Variants in CSMD2 observed in about 807,000 individuals in gnomAD.
The protein encoded by CSMD2 is CUB and sushi domain-containing protein 2.
CSMD2 carries 130 observed loss-of-function variants against 398.5 expected under a neutral mutation model. The observed-to-expected ratio is 0.33, with a 90% CI of 0.28 to 0.38. The LOEUF is 0.38. Among genes scored for constraint, CSMD2 ranks in the 10% least tolerant of loss-of-function variants. The pLI, the probability that CSMD2 is intolerant of heterozygous loss-of-function variation, is 1.00. For synonymous variants in CSMD2, 1,828 were observed against 1,908.5 expected (o/e 0.96, Z 1.10); for missense variants, 3,829 against 4,764.9 (o/e 0.80, Z 5.78).
intron 25 of CSMD2, among the ~76,000 whole-genome samples, chr1:33,678,740 G>A (rs1442872163): frequency 2.0e-5 from 3 of 152,100 alleles, no homozygotes; most frequent in Non-Finnish European, 2.9e-5. Flanking sequence ...TAAGTATCAC[G>A]CTATCCAAAG....
chr1:33,685,692 C>T (rs931097365), intron 25 of CSMD2, among the ~76,000 whole-genome samples: 5 of 152,202 alleles, frequency 3.3e-5, no homozygotes, highest in African/African-American at 1.2e-4. Flanking sequence ...CCTTTGCTCT[C>T]TTACCCCTAG....
At position 33,635,249 on chromosome 1, in the gene CSMD2, A is replaced by G. The variant is rs1199761740; in HGVS notation, c.5051T>C (p.Ile1684Thr). The G allele has an allele frequency of 6.2e-7, 1 of 1,613,440 alleles. No individual in the cohort carries two copies. The highest frequency in any genetic ancestry group is 8.5e-7 in the Non-Finnish European group (1 of 1,179,572). ...GGGCACAGTAACAAAATACAAGCAG[A>G]TCTGTCCACTGGTGTAGTTCTGGGG... The part of the protein sequence containing the change: ...NYPQNYTSGQ[I>T]CLYFVTVPKD... Residue 1684 changes from isoleucine (I) to threonine (T), a missense_variant, in exon 31 of 71, where the codon ATC becomes ACC. Physicochemically the swap from Ile to Thr is moderately conservative, Grantham distance 89 (BLOSUM62 -1). This residue lies in a region of CSMD2 where 2,001 missense variants were observed against 2,567.1 expected (regional missense o/e 0.78). Coordinates refer to ENST00000373381, the MANE Select transcript of CSMD2 (RefSeq NM_001281956.2). This position sits in a 1 kb window ranked among gnomAD's most constrained non-coding sequence, Gnocchi z 5.0.
intron 32 of CSMD2, among the ~76,000 whole-genome samples, chr1:33,629,743 G>T (rs915548379): frequency 3.4e-5 from 5 of 146,940 alleles, no homozygotes; most frequent in Non-Finnish European, 6.0e-5. Flanking sequence ...ATATCTACAG[G>T]TTTTTTTTTT....
intron 55 of CSMD2, among the ~76,000 whole-genome samples, chr1:33,555,673 A>C (rs1657891481): frequency 6.6e-6 from 1 of 152,216 alleles, no homozygotes; most frequent in Non-Finnish European, 1.5e-5. Flanking sequence ...CATTGAGGCA[A>C]AGTCTCCACC....
intron 4 of CSMD2, among the ~76,000 whole-genome samples, 191 bp downstream of exon 4, chr1:33,935,569 G>C (rs1644452659): frequency 6.6e-6 from 1 of 152,202 alleles, no homozygotes; most frequent in South Asian, 2.1e-4. Context: ...TTGAGGGTTA[G>C]GAGGTCAGGT....
chr1:33,734,790 AAAAAAAG>A (rs761145900), intron 15 of CSMD2, among the ~76,000 whole-genome samples: 20 of 152,076 alleles, frequency 1.3e-4, no homozygotes, highest in Non-Finnish European at 2.2e-4. Flanking sequence ...ATCTCAAAAA[AAAAAAAG>A]AAAAAAGAAA....
At chr1:33,921,532 G>A (rs559469162) in intron 4 of CSMD2, among the ~76,000 whole-genome samples, 3 of 152,298 alleles carry the variant, frequency 2.0e-5, no homozygotes, top group African/African-American at 7.2e-5. Flanking sequence ...GGGCACAATG[G>A]CTGAGTCTTG....
At chr1:34,160,389 G>T (rs1359466431) in intron 1 of CSMD2, among the ~76,000 whole-genome samples, 1 of 152,228 alleles carries the variant, frequency 6.6e-6, no homozygotes, top group African/African-American at 2.4e-5. Flanking sequence ...AGGGTTGGAG[G>T]AGAGTGGTAT....
rs181149463 is a variant in CSMD2, at chr1:33,751,931, G to T, written c.1847-8325C>A. Among the ~76,000 whole-genome samples, 313 of 152,188 alleles carry T rather than the reference G, an allele frequency of 2.1e-3. 2 individuals are homozygous for T. Among genetic ancestry groups the T allele is most frequent in the African/African-American group, 7.3e-3 (305 of 41,536 alleles). ...TGAGCCACTGTGCCCAGCCAAGTTG[G>T]GTGTTTTTTGTTTTGTTTTGTTTTG... On this transcript the variant is annotated intron_variant, in intron 13 of 70. Transcript: ENST00000373381.
intron 41 of CSMD2, among the ~76,000 whole-genome samples, chr1:33,607,950 C>G (rs994316973): frequency 3.3e-5 from 5 of 152,198 alleles, no homozygotes; most frequent in African/African-American, 1.2e-4. Context: ...GGCCTCCCTA[C>G]GCAGGGAAAG....
intron 5 of CSMD2, among the ~76,000 whole-genome samples, chr1:33,902,258 C>A (rs912095333): frequency 1.3e-5 from 2 of 152,104 alleles, no homozygotes; most frequent in Admixed American, 6.6e-5. Context: ...TCAGAAACTG[C>A]AGGGCTCCTG....
chr1:34,135,616 CAAAAAAAAAA>C (rs55936483), intron 1 of CSMD2, among the ~76,000 whole-genome samples: 3 of 82,618 alleles, frequency 3.6e-5, no homozygotes, highest in African/African-American at 9.8e-5. Context: ...GACTCCATCT[CAAAAAAAAAA>C]AAAAAAAAAA....
chr1:33,815,025 C>G (rs1043418074), intron 9 of CSMD2, among the ~76,000 whole-genome samples: 2 of 152,054 alleles, frequency 1.3e-5, no homozygotes, highest in African/African-American at 4.8e-5. Flanking sequence ...AATTCTACCA[C>G]TCACCTTTTC....
intron 1 of CSMD2, among the ~76,000 whole-genome samples, chr1:34,094,518 C>A (rs1659038789): frequency 1.3e-5 from 2 of 152,074 alleles, no homozygotes; most frequent in South Asian, 4.2e-4. Context: ...AAACCCATCT[C>A]ATGTGCAGAG....
At chr1:33,571,307 G>A (rs1295072812) in intron 51 of CSMD2, among the ~76,000 whole-genome samples, 3 of 152,204 alleles carry the variant, frequency 2.0e-5, no homozygotes, top group Non-Finnish European at 4.4e-5. Context: ...CTGGACAAAA[G>A]CAGCTTTTGA....
At chr1:33,964,060 G>A (rs941195310) in intron 3 of CSMD2, among the ~76,000 whole-genome samples, 1 of 152,320 alleles carries the variant, frequency 6.6e-6, no homozygotes, top group Middle Eastern at 3.4e-3. Flanking sequence ...CTCCCTGAGG[G>A]TGCAGATTTT....
At chr1:34,045,981 G>A (rs1652479468) in intron 2 of CSMD2, among the ~76,000 whole-genome samples, 1 of 152,280 alleles carries the variant, frequency 6.6e-6, no homozygotes, top group Non-Finnish European at 1.5e-5. Context: ...CCAGGGCATT[G>A]CAGTGAGTTT....
rs144844789 is a variant in CSMD2, at chr1:33,583,545, A to G, written c.7240+97T>C. ...AAGGACATCCTGTGGAGCTTCTGGCAAGCCCTGATAGGAAAACTGCAGCAC... is the reference window on the plus strand; with the variant it reads ...AAGGACATCCTGTGGAGCTTCTGGCGAGCCCTGATAGGAAAACTGCAGCAC... On this transcript the variant is annotated intron_variant, in intron 47 of 70. Coordinates refer to ENST00000373381, the MANE Select transcript of CSMD2 (RefSeq NM_001281956.2). 320 of 1,243,450 alleles carry G rather than the reference A, an allele frequency of 2.6e-4. 3 individuals carry two copies. Among genetic ancestry groups the G allele is most frequent in the Admixed American group, 6.0e-4 (32 of 52,940 alleles). The allele number at this position is 1,243,450 out of a possible 1,614,324, so 77.0% of individuals were successfully genotyped here.
chr1:33,837,485 G>T (rs891048369), intron 6 of CSMD2, among the ~76,000 whole-genome samples: 12 of 151,532 alleles, frequency 7.9e-5, no homozygotes, highest in African/African-American at 2.7e-4. Context: ...CAATGCAGTG[G>T]AGGTAAAATG....
Sources: gnomAD v4.1 joint callset for allele counts (sites outside exome capture counted in the v4.1 genomes callset) on GRCh38, gnomAD v4.1.1 for gene constraint, gnomAD v4.1.1 regional missense constraint, Gnocchi (gnomAD v3.1) non-coding constraint, MANE v1.5 for transcripts, NCBI Gene and HGNC (gene_info 2026-07-23, HGNC 2026-07-21) for gene names.